SHANK2: variants seen among roughly 807,000 people sequenced by gnomAD.
SHANK2 encodes SH3 and multiple ankyrin repeat domains protein 2.
SHANK2 carries 43 observed loss-of-function variants against 133.7 expected under a neutral mutation model. The observed-to-expected ratio is 0.32, with a 90% confidence interval of 0.25 to 0.41. SHANK2 has a LOEUF of 0.41. SHANK2 is among the 10% of genes least tolerant of loss of function. The pLI is 1.00. For synonymous variants in SHANK2, 1,017 were observed against 952.8 expected (o/e 1.07, Z -1.24); for missense variants, 1,994 against 2,235.8 (o/e 0.89, Z 2.18).
intron 2 of SHANK2, among the ~76,000 whole-genome samples, chr11:71,156,737 G>A (rs1457113177): frequency 6.6e-6 from 1 of 152,180 alleles, no homozygotes; most frequent in Non-Finnish European, 1.5e-5. Flanking sequence ...GAATTTTTAA[G>A]AGGGCTTTAT....
intron 17 of SHANK2, among the ~76,000 whole-genome samples, chr11:70,627,471 T>A (rs933662590): frequency 6.6e-6 from 1 of 152,174 alleles, no homozygotes; most frequent in Non-Finnish European, 1.5e-5. Flanking sequence ...TTTTAAGCCA[T>A]GGCAACCTGG....
chr11:70,952,852 G>C (rs1422058606), intron 10 of SHANK2: 1 of 364,876 alleles, frequency 2.7e-6, no homozygotes, highest in Non-Finnish European at 5.9e-6. Flanking sequence ...AAACAAGGTG[G>C]CTTCAAGCAA....
At position 70,469,072 on chromosome 11, in the gene SHANK2, G is replaced by A. The variant is rs1000919336; in HGVS notation, c.*3797C>T. On this transcript the variant is annotated 3_prime_UTR_variant, in exon 26 of 26. Transcript: ENST00000601538. ...GGTGTGGGGAGACTGGACCCTAAGG[G>A]AAGGGTCCGGATCTGGCTGGCCCTC... 3 of 152,240 alleles carry A rather than the reference G, an allele frequency of 2.0e-5. No individual in the cohort carries two copies. Among genetic ancestry groups the A allele is most frequent in the African/African-American group, 7.2e-5 (3 of 41,454 alleles). The allele number at this position is 152,240 out of a possible 1,614,324, so 9.4% of individuals were successfully genotyped here.
chr11:70,624,449 C>T (rs1327456341), intron 17 of SHANK2, among the ~76,000 whole-genome samples: 1 of 151,874 alleles, frequency 6.6e-6, no homozygotes, highest in Non-Finnish European at 1.5e-5. Flanking sequence ...CCCCTCCTGC[C>T]TGAGCCAGGA....
intron 17 of SHANK2, among the ~76,000 whole-genome samples, chr11:70,610,552 C>T (rs1248227843): frequency 1.2e-4 from 19 of 152,232 alleles, no homozygotes; most frequent in Non-Finnish European, 2.9e-5. Flanking sequence ...TTGTTCTTCT[C>T]TCCCTGAATC....
At chr11:71,247,304 T>C (rs989832762) in intron 1 of SHANK2, among the ~76,000 whole-genome samples, 15 of 152,196 alleles carry the variant, frequency 9.9e-5, no homozygotes, top group Admixed American at 4.6e-4. Flanking sequence ...CCTTTACAAA[T>C]ATTTAAACCT....
chr11:70,654,038 C>T (rs2061373495), intron 17 of SHANK2: 2 of 152,224 alleles, frequency 1.3e-5, no homozygotes, highest in Admixed American at 6.5e-5. Flanking sequence ...CGCCCTCTCT[C>T]GTGCAAGTAT....
rs564158172 is a variant in SHANK2 at position 70,765,893 on chromosome 11, A to T, written c.1777+32550T>A. 1.2e-4 allele frequency among the ~76,000 whole-genome samples: 18 copies of T among 152,332 alleles called. No individual in the cohort carries two copies. In the Middle Eastern group the frequency reaches 0.01, roughly 87 times the overall value. ...CTGAACTGCTCTGAAATTGGGAGGAAGTAGAGGACATCTGTACGGGGTGAG... is the reference window on the plus strand; with the variant it reads ...CTGAACTGCTCTGAAATTGGGAGGATGTAGAGGACATCTGTACGGGGTGAG... On this transcript the variant is annotated intron_variant, in intron 14 of 25. Transcript: ENST00000601538.
intron 10 of SHANK2, among the ~76,000 whole-genome samples, chr11:70,913,156 AG>A (rs1390793492): frequency 1.2e-4 from 19 of 152,032 alleles, no homozygotes; most frequent in African/African-American, 4.6e-4. Context: ...AATTCAGGTT[AG>A]GTCATGTCGT....
intron 17 of SHANK2, among the ~76,000 whole-genome samples, chr11:70,549,370 C>G (rs1251722884): frequency 6.6e-6 from 1 of 152,246 alleles, no homozygotes; most frequent in Non-Finnish European, 1.5e-5. Context: ...CACAGTCACA[C>G]TGGTCCCCCT....
intron 14 of SHANK2, among the ~76,000 whole-genome samples, chr11:70,736,214 C>T (rs1251441560): frequency 6.6e-6 from 1 of 152,150 alleles, no homozygotes; most frequent in Non-Finnish European, 1.5e-5. Context: ...GGTGGCCAAC[C>T]GCTCGTTTCA....
chr11:71,128,446 A>G (rs1345248213), intron 3 of SHANK2, among the ~76,000 whole-genome samples: 1 of 152,172 alleles, frequency 6.6e-6, no homozygotes, highest in Non-Finnish European at 1.5e-5. Context: ...TACATACAGC[A>G]TGAGACCTGG....
At position 70,468,419 on chromosome 11, in the gene SHANK2, AC is replaced by A. The variant is rs2058559199; in HGVS notation, c.*4449del. Reference sequence around the variant, plus strand: ...GAAATTCTCTGATTCCCCACAAAGCACGGGCAGTCCTGTCTGCATGCAGCTG... The same window carrying A: ...GAAATTCTCTGATTCCCCACAAAGCAGGGCAGTCCTGTCTGCATGCAGCTG... On this transcript the variant is annotated 3_prime_UTR_variant, in exon 26 of 26. Coordinates refer to ENST00000601538, the MANE Select transcript of SHANK2 (RefSeq NM_012309.5). 1 of 152,240 alleles carries A rather than the reference AC, an allele frequency of 6.6e-6. No individual in the cohort carries two copies. The highest frequency in any genetic ancestry group is 1.5e-5 in the Non-Finnish European group (1 of 68,052). 9.4% of individuals were successfully genotyped at this position (152,240 alleles called of 1,614,324 possible).
At position 70,472,690 on chromosome 11, in the gene SHANK2, C is replaced by G; in HGVS notation, c.*179G>C. On this transcript the variant is annotated 3_prime_UTR_variant, in exon 26 of 26. Coordinates refer to ENST00000601538, the MANE Select transcript of SHANK2 (RefSeq NM_012309.5). The surrounding 1 kb of genome is among the most constrained non-coding windows in gnomAD (Gnocchi z 4.4). The stretch of plus-strand genomic sequence containing the variant: ...CTGCCCAAGACACCCACATGGTGAG[C>G]CAGGGGTCTGAAGACCCAGCCATGT... 1 of 661,126 alleles carries G rather than the reference C, an allele frequency of 1.5e-6. No homozygotes were observed. The highest frequency in any genetic ancestry group is 2.7e-6 in the Non-Finnish European group (1 of 371,426). The allele number at this position is 661,126 out of a possible 1,614,324, so 41.0% of individuals were successfully genotyped here.
intron 17 of SHANK2, among the ~76,000 whole-genome samples, chr11:70,528,037 C>T (rs2059421334): frequency 6.6e-6 from 1 of 152,250 alleles, no homozygotes; most frequent in Admixed American, 6.5e-5. Context: ...AGGCCACACT[C>T]TCATGACCGT....
At chr11:70,489,280 A>G in intron 24 of SHANK2, 48 bp downstream of exon 24, 1 of 1,577,610 alleles carries the variant, frequency 6.3e-7, no homozygotes, top group Non-Finnish European at 8.7e-7. Context: ...TATAAAGTAA[A>G]CTGGGTTACA....
At chr11:70,663,958 C>T (rs781893613) in intron 15 of SHANK2, among the ~76,000 whole-genome samples, 13 of 152,224 alleles carry the variant, frequency 8.5e-5, no homozygotes, top group Non-Finnish European at 1.5e-4. Flanking sequence ...CTCTTGGGAT[C>T]ACCATGGGGT....
chr11:70,593,218 T>A (rs924039465), intron 17 of SHANK2, among the ~76,000 whole-genome samples: 8 of 152,218 alleles, frequency 5.3e-5, no homozygotes, highest in Non-Finnish European at 1.0e-4. Flanking sequence ...TATTCTATAA[T>A]TTCTCAGCAG....
At chr11:70,625,656 T>C (rs2060894445) in intron 17 of SHANK2, among the ~76,000 whole-genome samples, 1 of 151,830 alleles carries the variant, frequency 6.6e-6, no homozygotes, top group Non-Finnish European at 1.5e-5. Context: ...CTGAGCAGGC[T>C]CTGAGCAGTG....
Sources: allele counts gnomAD v4.1 joint callset (sites outside exome capture counted in the v4.1 genomes callset), GRCh38; gene constraint gnomAD v4.1.1; non-coding constraint Gnocchi (gnomAD v3.1); transcripts MANE v1.5; gene names NCBI Gene and HGNC (gene_info 2026-07-23, HGNC 2026-07-21).